Variants in CCDC30 observed in about 807,000 individuals in gnomAD.
CCDC30 encodes coiled-coil domain-containing protein 30.
Under a neutral mutation model 100.2 loss-of-function variants are expected in CCDC30, and 70 were observed. That is an observed-to-expected ratio of 0.70 (90% CI 0.58 to 0.85). CCDC30 has a LOEUF of 0.85. Ranked by LOEUF, CCDC30 falls within the 40% of genes least tolerant of loss-of-function variation. The pLI is 0.00. For synonymous variants in CCDC30, 233 were observed against 269.5 expected, an observed-to-expected ratio of 0.86 and a Z score of 1.33; for missense variants, 652 against 771.2, an observed-to-expected ratio of 0.85 and a Z score of 1.83.
intron 5 of CCDC30, 57 bp downstream of exon 5, chr1:42,497,270 A>T: frequency 9.9e-7 from 1 of 1,013,976 alleles, no homozygotes; most frequent in Non-Finnish European, 1.3e-6. Context: ...AACAATCAAC[A>T]GCATAAGCAA....
At chr1:42,493,736 TA>T (rs1644184233) in intron 4 of CCDC30, among the ~76,000 whole-genome samples, 5 of 152,082 alleles carry the variant, frequency 3.3e-5, no homozygotes, top group Admixed American at 3.3e-4. Flanking sequence ...ATTACCAATA[TA>T]AAAAATAACA....
chr1:42,653,726 T>A, intron 16 of CCDC30, 92 bp from the exon 21 acceptor site: 1 of 915,174 alleles, frequency 1.1e-6, no homozygotes, highest in South Asian at 1.6e-5. Context: ...TTGCAAAAAA[T>A]TGAAATTCTA....
intron 8 of CCDC30, 46 bp downstream of exon 12, chr1:42,577,275 A>C (rs1160874555): frequency 8.3e-7 from 1 of 1,201,606 alleles, no homozygotes; most frequent in Non-Finnish European, 1.2e-6. Context: ...GAATACCACT[A>C]CTGAAATCTT....
chr1:42,508,628 T>C (rs1271545646), intron 6 of CCDC30, among the ~76,000 whole-genome samples: 1 of 152,198 alleles, frequency 6.6e-6, no homozygotes, highest in Admixed American at 6.5e-5. Flanking sequence ...CTGCTTTTAA[T>C]TCCTGGGGTT....
At chr1:42,594,336 C>G (rs992359958) in intron 10 of CCDC30, 2 of 152,042 alleles carry the variant, frequency 1.3e-5, no homozygotes, top group African/African-American at 4.8e-5. Flanking sequence ...TAGCAAGACC[C>G]TGTCTCTACA....
Position 42,498,829 on chromosome 1 carries a change from TAAAG to T in CCDC30, c.370_373del (p.Lys124GlufsTer36). 8.1e-7 allele frequency: 1 copy of T among 1,233,152 alleles called. No individual in the cohort carries two copies. The highest frequency in any genetic ancestry group is 1.0e-6 in the Non-Finnish European group (1 of 987,166). 76.4% of individuals were successfully genotyped at this position (1,233,152 alleles called of 1,614,324 possible). ...CTTTTGTATTTAAGGTTGAAAGACT[TAAAG>T]GAGAGGTGTGTGAATCTCAAGAGAA... On this transcript the variant is annotated frameshift_variant, in exon 6 of 17. Coordinates refer to ENST00000668663, the Ensembl canonical transcript of CCDC30. LOFTEE classifies it high-confidence loss of function.
At chr1:42,544,840 G>A (rs1236069955) in intron 6 of CCDC30, among the ~76,000 whole-genome samples, 1 of 152,054 alleles carries the variant, frequency 6.6e-6, no homozygotes, top group East Asian at 1.9e-4. Flanking sequence ...TTCAGCTGAT[G>A]CTTTTATATC....
intron 6 of CCDC30, among the ~76,000 whole-genome samples, chr1:42,504,442 A>G (rs1644367357): frequency 6.6e-6 from 1 of 152,134 alleles, no homozygotes; most frequent in African/African-American, 2.4e-5. Context: ...TGCCCTGTGG[A>G]GAACACCAGC....
chr1:42,534,803 T>C (rs969575200), intron 6 of CCDC30: 6 of 152,218 alleles, frequency 3.9e-5, no homozygotes, highest in Admixed American at 1.3e-4. Flanking sequence ...ATTTCAGGGC[T>C]ACTACCTCAG....
chr1:42,521,946 C>T lies in CCDC30; in HGVS notation c.456+23030C>T, dbSNP rs147999686. On this transcript the variant is annotated intron_variant, in intron 6 of 16. Transcript: ENST00000668663. ...TCTTTCACATTCAGTCTACTTTTATCTTTTAGACTGTATATACAGTCATCC... is the reference window on the plus strand; with the variant it reads ...TCTTTCACATTCAGTCTACTTTTATTTTTTAGACTGTATATACAGTCATCC... Among the ~76,000 whole-genome samples the T allele has an allele frequency of 7.9e-3, 1,196 of 151,894 alleles. 21 individuals carry two copies. Among genetic ancestry groups the T allele is most frequent in the African/African-American group, 0.027 (1,118 of 41,448 alleles).
At chr1:42,507,877 A>AT (rs145227159) in intron 6 of CCDC30, among the ~76,000 whole-genome samples, 19,680 of 152,172 alleles carry the variant, frequency 0.13, 1,466 homozygotes, top group East Asian at 0.18. Flanking sequence ...TAACACTTGT[A>AT]TTTTACCAAT....
upstream of CCDC30, among the ~76,000 whole-genome samples, chr1:42,461,762 T>G (rs1643419325): frequency 6.6e-6 from 1 of 152,026 alleles, no homozygotes; most frequent in African/African-American, 2.4e-5. Context: ...AGCCAGGATG[T>G]TCTCCATCTC....
At chr1:42,589,843 A>G (rs1363588493) in intron 10 of CCDC30, 3 of 169,004 alleles carry the variant, frequency 1.8e-5, no homozygotes, top group Non-Finnish European at 3.8e-5. Context: ...CCTTTTATCC[A>G]TCTGCTAGTG....
At chr1:42,552,511 G>A (rs775230071) in intron 6 of CCDC30, among the ~76,000 whole-genome samples, 4 of 152,000 alleles carry the variant, frequency 2.6e-5, no homozygotes, top group Non-Finnish European at 5.9e-5. Context: ...TTCTTAATGT[G>A]ACAAATGAGA....
chr1:42,636,400 TG>T (rs1647156844), intron 11 of CCDC30, among the ~76,000 whole-genome samples: 1 of 151,400 alleles, frequency 6.6e-6, no homozygotes, highest in African/African-American at 2.4e-5. Context: ...AGTGAGACCC[TG>T]TCTCAAAAGA....
intron 5 of CCDC30, among the ~76,000 whole-genome samples, chr1:42,497,726 T>TG (rs957191285): frequency 5.3e-5 from 8 of 152,148 alleles, no homozygotes. Context: ...GCTTTAGAAA[T>TG]TTTTTTGCAA....
chr1:42,465,829 G>T (rs903511616), intron 1 of CCDC30, among the ~76,000 whole-genome samples: 23 of 152,172 alleles, frequency 1.5e-4, no homozygotes, highest in African/African-American at 1.9e-4. Flanking sequence ...GCACAGAACT[G>T]CCTCCACAAC....
At chr1:42,572,920 T>C (rs979603318) in intron 7 of CCDC30, among the ~76,000 whole-genome samples, 2 of 152,174 alleles carry the variant, frequency 1.3e-5, no homozygotes. Context: ...GCCCAGCCTA[T>C]TGTGGCATAT....
chr1:42,550,763 A>G (rs1288077891), intron 6 of CCDC30, among the ~76,000 whole-genome samples: 1 of 152,214 alleles, frequency 6.6e-6, no homozygotes, highest in Non-Finnish European at 1.5e-5. Flanking sequence ...GATGTAGGCT[A>G]TGTGAGGGCA....
Sources: gnomAD v4.1 joint callset for allele counts (sites outside exome capture counted in the v4.1 genomes callset) on GRCh38, gnomAD v4.1.1 for gene constraint, MANE v1.5 for transcripts, NCBI Gene and HGNC (gene_info 2026-07-23, HGNC 2026-07-21) for gene names.